EPB41L5: variants seen among roughly 807,000 people sequenced by gnomAD.
EPB41L5 encodes the protein erythrocyte membrane protein band 4.1 like 5, also known as band 4.1-like protein 5.
EPB41L5 carries 55 observed loss-of-function variants against 106.6 expected under a neutral mutation model. The ratio of observed to expected loss-of-function variants is 0.52; its 90% CI spans 0.42 to 0.65. EPB41L5 has a LOEUF of 0.65. Ranked by LOEUF, EPB41L5 falls within the 30% of genes least tolerant of loss-of-function variation. The pLI, the probability that EPB41L5 is intolerant of heterozygous loss-of-function variation, is 0.00. For synonymous variants in EPB41L5, 297 were observed against 306.7 expected, an observed-to-expected ratio of 0.97 and a Z score of 0.33; for missense variants, 871 against 882.1, an observed-to-expected ratio of 0.99 and a Z score of 0.16.
chr2:120,152,821 GT>G (rs1686737888), intron 20 of EPB41L5, among the ~76,000 whole-genome samples: 1 of 152,214 alleles, frequency 6.6e-6, no homozygotes, highest in Non-Finnish European at 1.5e-5. Context: ...TCTTAAGTCA[GT>G]TTTGGTAATT....
At chr2:120,148,896 C>T (rs1686534464) in intron 20 of EPB41L5, among the ~76,000 whole-genome samples, 1 of 152,150 alleles carries the variant, frequency 6.6e-6, no homozygotes, top group African/African-American at 2.4e-5. Context: ...CATTTCTCCT[C>T]AGTCATATGG....
At chr2:120,056,548 C>T (rs1412194603) in intron 3 of EPB41L5, among the ~76,000 whole-genome samples, 1 of 152,108 alleles carries the variant, frequency 6.6e-6, no homozygotes, top group African/African-American at 2.4e-5. Flanking sequence ...ATCCTTTTGC[C>T]TCAGCCTCCC....
intron 19 of EPB41L5, among the ~76,000 whole-genome samples, chr2:120,145,649 T>A (rs1686366302): frequency 6.6e-6 from 1 of 152,140 alleles, no homozygotes; most frequent in Non-Finnish European, 1.5e-5. Context: ...TAAAAAAAAT[T>A]GGTGCATTAT....
chr2:120,174,246 A>C (rs1280394895), intron 24 of EPB41L5, among the ~76,000 whole-genome samples: 2 of 152,186 alleles, frequency 1.3e-5, no homozygotes, highest in Non-Finnish European at 2.9e-5. Flanking sequence ...GCTTGAGCCC[A>C]GAAGTTTGAG....
Position 120,178,630 on chromosome 2 carries a change from A to G in EPB41L5, c.*3723A>G, listed in dbSNP as rs567435602. The G allele has an allele frequency of 3.9e-5, 6 of 152,374 alleles. No individual in the cohort carries two copies. In the South Asian group the frequency reaches 1.2e-3, roughly 32 times the overall value. The allele number at this position is 152,374 out of a possible 1,614,324, so 9.4% of individuals were successfully genotyped here. On this transcript the variant is annotated 3_prime_UTR_variant, in exon 25 of 25. Coordinates refer to ENST00000263713, the MANE Select transcript of EPB41L5 (RefSeq NM_020909.4). ...TCTTCAGTGGTCAGAAGAAAGTTGG[A>G]AACTTTTCCTACATATTAGGCGTTA...
intron 17 of EPB41L5, among the ~76,000 whole-genome samples, chr2:120,128,259 A>ACACACACG (rs1429970856): frequency 7.5e-5 from 11 of 146,680 alleles, no homozygotes; most frequent in African/African-American, 2.8e-4. Flanking sequence ...GCTTTAAAAC[A>ACACACACG]CACACACACA....
intron 7 of EPB41L5, 48 bp from the exon 8 acceptor site, chr2:120,076,922 GA>G: frequency 6.7e-7 from 1 of 1,491,474 alleles, no homozygotes. Context: ...AATGGTTTTT[GA>G]AGGATTTAGC....
chr2:120,130,867 T>C (rs1287292203), intron 17 of EPB41L5, among the ~76,000 whole-genome samples: 1 of 152,216 alleles, frequency 6.6e-6, no homozygotes, highest in African/African-American at 2.4e-5. Flanking sequence ...TTCCCCCTCT[T>C]TTCTTCTTTC....
rs905508792 is a variant in EPB41L5, at chr2:120,100,593, A to T, written c.1222-106A>T. 3 of 805,022 alleles carry T rather than the reference A, an allele frequency of 3.7e-6. No individual in the cohort carries two copies. The African/African-American group carries it at 5.1e-5, about 14-fold the overall frequency. 49.9% of individuals were successfully genotyped at this position (805,022 alleles called of 1,614,324 possible). A position where few individuals can be genotyped will look rare whatever the true frequency, so the allele number is the denominator to read the frequency against. On this transcript the variant is annotated intron_variant, in intron 15 of 24. Coordinates refer to ENST00000263713, the MANE Select transcript of EPB41L5 (RefSeq NM_020909.4). ...GTATATAAAATTCAAGCATTTGTAT[A>T]CATTTTAATTGTTGGCTTTGTAAAT... is the stretch of plus-strand genomic sequence containing the variant.
At chr2:120,063,042 CAAAAT>C (rs960494042) in intron 3 of EPB41L5, among the ~76,000 whole-genome samples, 5 of 151,796 alleles carry the variant, frequency 3.3e-5, no homozygotes, top group Admixed American at 2.6e-4. Context: ...CATGGTTGAA[CAAAAT>C]AAAATAAGTG....
chr2:120,115,843 A>G (rs547011084), intron 16 of EPB41L5, among the ~76,000 whole-genome samples: 132 of 148,262 alleles, frequency 8.9e-4, no homozygotes, highest in Non-Finnish European at 1.8e-3. Context: ...AGAGTCTTGC[A>G]CTGTCACCCA....
chr2:120,052,099 A>G (rs1013181883), intron 3 of EPB41L5, among the ~76,000 whole-genome samples: 16 of 152,188 alleles, frequency 1.1e-4, no homozygotes, highest in Admixed American at 9.8e-4. Context: ...TGCTGGGACT[A>G]CAGGTGTGAG....
chr2:120,131,035 T>C (rs941506240), intron 17 of EPB41L5, among the ~76,000 whole-genome samples: 1 of 152,246 alleles, frequency 6.6e-6, no homozygotes, highest in Non-Finnish European at 1.5e-5. Context: ...TAATGTATTA[T>C]GTTTTCAGTG....
At chr2:120,101,932 C>A (rs1216685156) in intron 16 of EPB41L5, among the ~76,000 whole-genome samples, 2 of 152,096 alleles carry the variant, frequency 1.3e-5, no homozygotes, top group Non-Finnish European at 2.9e-5. Flanking sequence ...CATCTGGGGA[C>A]ACACTTAAAA....
intron 2 of EPB41L5, among the ~76,000 whole-genome samples, chr2:120,020,952 A>T (rs919886742): frequency 6.6e-6 from 1 of 152,236 alleles, no homozygotes; most frequent in Admixed American, 6.5e-5. Context: ...AGCTGGGTGT[A>T]TGTGATGCTT....
intron 2 of EPB41L5, among the ~76,000 whole-genome samples, chr2:120,026,554 A>G (rs1678330720): frequency 6.6e-6 from 1 of 152,116 alleles, no homozygotes. Context: ...TTTTTAGTAG[A>G]GACGGGATTT....
At chr2:120,099,746 G>A (rs568376120) in intron 14 of EPB41L5, among the ~76,000 whole-genome samples, 5 of 152,224 alleles carry the variant, frequency 3.3e-5, no homozygotes, top group Admixed American at 1.3e-4. Context: ...ATTTTAGAAC[G>A]TGTTTATAAG....
rs1385975630 is a variant in EPB41L5 at position 120,042,048 on chromosome 2, C to G, written c.223C>G (p.His75Asp). 6.2e-7 allele frequency: 1 copy of G among 1,613,018 alleles called. No individual in the cohort carries two copies. The highest frequency in any genetic ancestry group is 8.5e-7 in the Non-Finnish European group (1 of 1,179,496). ...AGAGTTGTTTGATCAGATTATGTAC[C>G]ACCTGGACCTGATTGAAAGCGACTA... ...GQELFDQIMY[H>D]LDLIESDYFG... is the part of the protein sequence containing the mutation. Residue 75 changes from histidine to aspartate, a missense_variant, in exon 3 of 25, where the codon CAC (histidine) becomes GAC (aspartate). His to Asp is a moderately conservative substitution (Grantham distance 81, BLOSUM62 -1). Coordinates refer to ENST00000263713, the MANE Select transcript of EPB41L5 (RefSeq NM_020909.4).
chr2:120,049,925 C>T (rs1680107256), intron 3 of EPB41L5, among the ~76,000 whole-genome samples: 1 of 152,128 alleles, frequency 6.6e-6, no homozygotes, highest in South Asian at 2.1e-4. Context: ...ACTTATGAAG[C>T]TTAGTTTGGC....
Sources: allele counts gnomAD v4.1 joint callset (sites outside exome capture counted in the v4.1 genomes callset), GRCh38; gene constraint gnomAD v4.1.1; transcripts MANE v1.5; gene names NCBI Gene and HGNC (gene_info 2026-07-23, HGNC 2026-07-21).